The following WDR27 variants were observed in gnomAD, a reference collection of about 807,000 sequenced individuals.
WDR27 encodes WD repeat-containing protein 27.
Under a neutral mutation model 114.4 loss-of-function variants are expected in WDR27, and 100 were observed. The observed-to-expected ratio is 0.87, with a 90% CI of 0.74 to 1.03. The LOEUF is 1.03. WDR27 is among the 50% of genes least tolerant of loss of function. WDR27 has a pLI of 0.00. For synonymous variants in WDR27, 449 were observed against 423.1 expected (o/e 1.06, Z -0.75); for missense variants, 1,129 against 1,092.9 (o/e 1.03, Z -0.47).
intron 21 of WDR27, among the ~76,000 whole-genome samples, chr6:169,623,490 C>A (rs554352342): frequency 7.6e-4 from 115 of 152,294 alleles, no homozygotes; most frequent in South Asian, 3.5e-3. Context: ...GCGGTTACCC[C>A]AGTGGCTCAG....
At chr6:169,564,640 C>T (rs747739506) in intron 25 of WDR27, among the ~76,000 whole-genome samples, 8 of 152,154 alleles carry the variant, frequency 5.3e-5, no homozygotes, top group Admixed American at 2.6e-4. Context: ...TGGAGGACAG[C>T]GCCAGCTGGA....
the WDR27 span, among the ~76,000 whole-genome samples, chr6:169,431,344 G>T: frequency 3.3e-5 from 5 of 152,070 alleles, no homozygotes; most frequent in African/African-American, 1.2e-4. Context: ...CATTCTTGGT[G>T]TCAGAAGTGG....
chr6:169,432,467 G>A, the WDR27 span, among the ~76,000 whole-genome samples: 1 of 152,108 alleles, frequency 6.6e-6, no homozygotes, highest in African/African-American at 2.4e-5. Context: ...GGACCTAGTG[G>A]GAGGTAATTA....
intron 18 of WDR27, 33 bp downstream of exon 18, chr6:169,638,506 T>C (rs1457151783): frequency 3.1e-6 from 5 of 1,606,778 alleles, no homozygotes; most frequent in Non-Finnish European, 4.2e-6. Flanking sequence ...CCTTTGGAAA[T>C]GACTGCCCAT....
intron 25 of WDR27, among the ~76,000 whole-genome samples, chr6:169,517,847 T>A (rs1793869300): frequency 6.6e-6 from 1 of 152,226 alleles, no homozygotes; most frequent in South Asian, 2.1e-4. Flanking sequence ...ATTGCTTGCA[T>A]GTGATAAACC....
the WDR27 span, among the ~76,000 whole-genome samples, chr6:169,445,308 G>A: frequency 6.6e-6 from 1 of 152,116 alleles, no homozygotes; most frequent in Non-Finnish European, 1.5e-5. Flanking sequence ...TGTGCTGCTG[G>A]AAAATCCCTA....
chr6:169,622,138 G>T (rs1239866457), intron 21 of WDR27, among the ~76,000 whole-genome samples: 1 of 152,190 alleles, frequency 6.6e-6, no homozygotes, highest in Non-Finnish European at 1.5e-5. Flanking sequence ...GGACCTGAAG[G>T]TCCCCTCCCT....
intron 25 of WDR27, among the ~76,000 whole-genome samples, chr6:169,553,072 GTGTGTGTGTGTGTGTGTGTGTGTA>G: frequency 2.7e-5 from 4 of 148,336 alleles, no homozygotes; most frequent in Non-Finnish European, 4.5e-5. Context: ...GTGTGTGTGT[GTGTGTGTGTGTGTGTGTGTGTGTA>G]TGCAGGGAGG....
intron 25 of WDR27, chr6:169,558,872 T>G (rs1799273102): frequency 6.6e-6 from 1 of 152,264 alleles, no homozygotes; most frequent in Non-Finnish European, 1.5e-5. Flanking sequence ...CTTCTCATTT[T>G]GACTACTGTT....
chr6:169,548,281 A>T (rs1268749066), intron 25 of WDR27, among the ~76,000 whole-genome samples: 1 of 152,182 alleles, frequency 6.6e-6, no homozygotes, highest in Non-Finnish European at 1.5e-5. Context: ...ATTCAGTGCA[A>T]CCCCAATCAA....
intron 25 of WDR27, among the ~76,000 whole-genome samples, chr6:169,511,550 A>C (rs888499978): frequency 6.6e-6 from 1 of 151,994 alleles, no homozygotes; most frequent in Non-Finnish European, 1.5e-5. Context: ...AATTACACTC[A>C]GTTTTTATTA....
intron 23 of WDR27, among the ~76,000 whole-genome samples, chr6:169,599,489 G>A (rs1025788603): frequency 2.0e-5 from 3 of 152,160 alleles, no homozygotes; most frequent in East Asian, 1.9e-4. Context: ...TTAGTCTTGG[G>A]AGAGTGTACG....
intron 21 of WDR27, among the ~76,000 whole-genome samples, chr6:169,628,107 G>A (rs570381619): frequency 1.3e-5 from 2 of 152,188 alleles, no homozygotes; most frequent in East Asian, 3.9e-4. Context: ...GAAGTGATTA[G>A]GTCATGAGAG....
At chr6:169,431,794 ATCAT>A in the WDR27 span, among the ~76,000 whole-genome samples, 1 of 152,258 alleles carries the variant, frequency 6.6e-6, no homozygotes, top group Non-Finnish European at 1.5e-5. Flanking sequence ...CAGTATGAGG[ATCAT>A]TCAAACAATT....
intron 21 of WDR27, among the ~76,000 whole-genome samples, chr6:169,631,401 C>A (rs1199705296): frequency 1.3e-5 from 2 of 151,792 alleles, no homozygotes; most frequent in East Asian, 3.9e-4. Flanking sequence ...CTTGAAATGT[C>A]CTATTAATGA....
chr6:169,547,245 A>G (rs1490944214), intron 25 of WDR27, among the ~76,000 whole-genome samples: 2 of 152,186 alleles, frequency 1.3e-5, no homozygotes, highest in Admixed American at 1.3e-4. Flanking sequence ...AGATATTTAA[A>G]TAAGAAATGA....
intron 21 of WDR27, among the ~76,000 whole-genome samples, chr6:169,617,221 AGAGG>A (rs974891108): frequency 1.3e-5 from 2 of 152,124 alleles, no homozygotes; most frequent in African/African-American, 4.8e-5. Flanking sequence ...CTTTCAAGAG[AGAGG>A]GGTGTCCCAA....
intron 25 of WDR27, among the ~76,000 whole-genome samples, chr6:169,493,007 A>G (rs1317910666): frequency 6.6e-6 from 1 of 152,126 alleles, no homozygotes; most frequent in African/African-American, 2.4e-5. Flanking sequence ...CAAGGGAAAT[A>G]GCAGAATTCA....
intron 25 of WDR27, among the ~76,000 whole-genome samples, chr6:169,502,256 C>T (rs150774732): frequency 6.6e-5 from 10 of 152,278 alleles, no homozygotes; most frequent in Non-Finnish European, 1.2e-4. Flanking sequence ...GCGGGAGACA[C>T]CCAGGCACCT....
Sources: allele counts gnomAD v4.1 joint callset (sites outside exome capture counted in the v4.1 genomes callset), GRCh38; gene constraint gnomAD v4.1.1; transcripts MANE v1.5; gene names NCBI Gene and HGNC (gene_info 2026-07-23, HGNC 2026-07-21).